CPVL: variants seen among roughly 807,000 people sequenced by gnomAD.
CPVL encodes the protein probable serine carboxypeptidase CPVL.
Under a neutral mutation model 63.7 loss-of-function variants are expected in CPVL, and 51 were observed. The observed-to-expected ratio is 0.80, with a 90% CI of 0.64 to 1.01. The LOEUF is 1.01. Among genes scored for constraint, CPVL ranks in the 50% least tolerant of loss-of-function variants. The probability of loss-of-function intolerance (pLI) is 0.00; values close to 1 mark genes in which losing one functional copy is unlikely to be tolerated. For missense variants in CPVL, 530 were observed against 573.1 expected (o/e 0.92, Z 0.77); for synonymous variants, 195 against 206.0 (o/e 0.95, Z 0.46).
chr7:29,035,679 A>G (rs531617452), intron 11 of CPVL, among the ~76,000 whole-genome samples: 4 of 152,292 alleles, frequency 2.6e-5, no homozygotes, highest in African/African-American at 9.6e-5. Context: ...CTGGTACCCC[A>G]TAAAACCGAT....
At chr7:29,160,412 C>A (rs984727539) in intron 5 of CPVL, among the ~76,000 whole-genome samples, 1 of 152,180 alleles carries the variant, frequency 6.6e-6, no homozygotes, top group African/African-American at 2.4e-5. Flanking sequence ...TTTGGTATCT[C>A]CTTTTAGTTT....
intron 1 of CPVL, among the ~76,000 whole-genome samples, chr7:29,136,587 T>C (rs1791252059): frequency 6.6e-6 from 1 of 152,086 alleles, no homozygotes; most frequent in African/African-American, 2.4e-5. Flanking sequence ...GGCAGATTAC[T>C]TGGAAATTTG....
chr7:29,152,252 C>T (rs1308297375), intron 5 of CPVL, among the ~76,000 whole-genome samples: 5 of 152,162 alleles, frequency 3.3e-5, no homozygotes, highest in East Asian at 1.9e-4. Context: ...GCTTTTTATG[C>T]GTGGCAGCTC....
chr7:29,107,218 T>C (rs1787804346), intron 3 of CPVL, among the ~76,000 whole-genome samples: 2 of 152,190 alleles, frequency 1.3e-5, no homozygotes, highest in Admixed American at 6.5e-5. Context: ...TGCTAGCATG[T>C]TGGTCACAAA....
chr7:29,120,927 G>A lies in CPVL; in HGVS notation c.135C>T (p.Leu45=), dbSNP rs1789304710. 4 of 1,613,586 alleles carry A rather than the reference G, an allele frequency of 2.5e-6. No individual in the cohort carries two copies. Among genetic ancestry groups the A allele is most frequent in the Non-Finnish European group, 3.4e-6 (4 of 1,179,914 alleles). The change falls in exon 2 of 13, where the codon CTC becomes CTT. Residue 45 remains leucine (L), a synonymous_variant. Coordinates refer to ENST00000265394, the MANE Select transcript of CPVL (RefSeq NM_031311.5). ...PKGDSGQPLF[L]TPYIEAGKIQ... is the part of the protein sequence containing the mutation. The stretch of plus-strand genomic sequence containing the variant: ...TCTTCCCAGCTTCAATGTAAGGGGT[G>A]AGAAATAATGGCTGTCCTGAGTCTC...
intron 12 of CPVL, among the ~76,000 whole-genome samples, chr7:29,003,910 G>A (rs577034165): frequency 4.6e-5 from 7 of 152,226 alleles, no homozygotes; most frequent in East Asian, 1.9e-4. Context: ...GACAGGAGGC[G>A]GAGCTCAGAC....
At chr7:29,115,403 G>A (rs1788680704) in intron 2 of CPVL, among the ~76,000 whole-genome samples, 1 of 152,140 alleles carries the variant, frequency 6.6e-6, no homozygotes, top group African/African-American at 2.4e-5. Context: ...AAGAGAGAGA[G>A]GTGAGGATCT....
chr7:29,058,371 T>G, intron 11 of CPVL, among the ~76,000 whole-genome samples: 1 of 152,124 alleles, frequency 6.6e-6, no homozygotes, highest in East Asian at 1.9e-4. Flanking sequence ...ATTAACCTTA[T>G]ATCCTGCAAC....
chr7:29,077,181 T>C (rs1784321867), intron 7 of CPVL, among the ~76,000 whole-genome samples: 1 of 152,104 alleles, frequency 6.6e-6, no homozygotes, highest in African/African-American at 2.4e-5. Flanking sequence ...GGAAAACAAA[T>C]AGTGTCAGAG....
chr7:29,049,486 A>G (rs946025091), intron 11 of CPVL, among the ~76,000 whole-genome samples: 1 of 152,212 alleles, frequency 6.6e-6, no homozygotes, highest in African/African-American at 2.4e-5. Context: ...TACCCTGAAC[A>G]GACCAATAAC....
At chr7:29,129,025 G>C (rs756825015) in intron 1 of CPVL, among the ~76,000 whole-genome samples, 1 of 152,114 alleles carries the variant, frequency 6.6e-6, no homozygotes, top group Non-Finnish European at 1.5e-5. Flanking sequence ...ATGATAATGG[G>C]AGACCACTGG....
At chr7:29,029,826 T>C (rs1787857098) in intron 12 of CPVL, among the ~76,000 whole-genome samples, 2 of 152,202 alleles carry the variant, frequency 1.3e-5, no homozygotes, top group South Asian at 4.2e-4. Context: ...AATGAAATGA[T>C]ACATGTTTGA....
At chr7:29,037,437 C>A (rs1484483833) in intron 11 of CPVL, among the ~76,000 whole-genome samples, 2 of 150,408 alleles carry the variant, frequency 1.3e-5, no homozygotes, top group Non-Finnish European at 1.5e-5. Context: ...CCTGTAGTCC[C>A]AGCTACTTGG....
chr7:29,137,293 C>T (rs187029419), intron 1 of CPVL, among the ~76,000 whole-genome samples: 19 of 152,208 alleles, frequency 1.2e-4, no homozygotes, highest in Non-Finnish European at 2.2e-4. Flanking sequence ...GAAATCTGGC[C>T]CTCCGTGGAG....
intron 9 of CPVL, among the ~76,000 whole-genome samples, chr7:29,070,422 A>C (rs1203092383): frequency 6.6e-6 from 1 of 152,214 alleles, no homozygotes; most frequent in Non-Finnish European, 1.5e-5. Flanking sequence ...CAAATGTTTC[A>C]ATTGCAAATT....
intron 2 of CPVL, 90 bp downstream of exon 2, chr7:29,120,803 G>A: frequency 1.5e-6 from 2 of 1,312,852 alleles, no homozygotes; most frequent in Non-Finnish European, 2.1e-6. Flanking sequence ...CCTAGTGACA[G>A]GCGAGACTTC....
At chr7:29,061,590 A>G (rs996095158) in intron 11 of CPVL, among the ~76,000 whole-genome samples, 1 of 152,164 alleles carries the variant, frequency 6.6e-6, no homozygotes, top group Non-Finnish European at 1.5e-5. Flanking sequence ...TTATGTCATC[A>G]GGTAAGCTGT....
At position 29,174,026 on chromosome 7, in the gene CPVL, A is replaced by G. The variant is rs568171961; in HGVS notation, c.-11+7264T>C. Among the ~76,000 whole-genome samples, 11 of 152,154 alleles carry G rather than the reference A, an allele frequency of 7.2e-5. No individual in the cohort carries two copies. In the East Asian group the frequency reaches 1.9e-3, roughly 27 times the overall value. On this transcript the variant is annotated intron_variant, in intron 5 of 16. Transcript: ENST00000409850. ...TTAATTTAGAATAATTGAGAGGCCCAGACACAAGCGGAGTTCACACACACT... is the reference window on the plus strand; with the variant it reads ...TTAATTTAGAATAATTGAGAGGCCCGGACACAAGCGGAGTTCACACACACT...
At chr7:29,054,435 T>A (rs1350629922) in intron 11 of CPVL, among the ~76,000 whole-genome samples, 1 of 152,266 alleles carries the variant, frequency 6.6e-6, no homozygotes, top group African/African-American at 2.4e-5. Flanking sequence ...ATTTTAGCAC[T>A]TTGAAGATAT....
Sources: allele counts gnomAD v4.1 joint callset (sites outside exome capture counted in the v4.1 genomes callset), GRCh38; gene constraint gnomAD v4.1.1; transcripts MANE v1.5; gene names NCBI Gene and HGNC (gene_info 2026-07-23, HGNC 2026-07-21).